The following GRAMD1B variants were observed in gnomAD, a reference collection of about 807,000 sequenced individuals.
GRAMD1B encodes GRAM domain containing 1B.
A neutral mutation model predicts 99.7 loss-of-function variants in GRAMD1B; 37 were observed. That is an observed-to-expected ratio of 0.37 (90% confidence interval 0.29 to 0.49). The LOEUF is 0.49. Ranked by LOEUF, GRAMD1B falls within the 20% of genes least tolerant of loss-of-function variation. The pLI is 0.98. For missense variants in GRAMD1B, 888 were observed against 1,009.2 expected (o/e 0.88, Z 1.63); for synonymous variants, 427 against 387.6 (o/e 1.10, Z -1.19).
intron 2 of GRAMD1B, among the ~76,000 whole-genome samples, chr11:123,520,360 G>A (rs1036779939): frequency 6.6e-6 from 1 of 152,150 alleles, no homozygotes; most frequent in Non-Finnish European, 1.5e-5. Context: ...AGACCCCTGT[G>A]CCCTACCCCC....
chr11:123,509,993 C>T (rs1343734320), intron 2 of GRAMD1B: 1 of 152,230 alleles, frequency 6.6e-6, no homozygotes, highest in East Asian at 1.9e-4. Flanking sequence ...ACCGCCCGCT[C>T]CTGGCTCCTG....
At chr11:123,482,290 G>A (rs959691614) in intron 2 of GRAMD1B, among the ~76,000 whole-genome samples, 6 of 151,930 alleles carry the variant, frequency 3.9e-5, no homozygotes, top group African/African-American at 1.2e-4. Flanking sequence ...GTAGAGACGG[G>A]GCTTCCCCAT....
intron 1 of GRAMD1B, among the ~76,000 whole-genome samples, chr11:123,370,394 G>A (rs1378786904): frequency 1.4e-5 from 2 of 142,378 alleles, no homozygotes; most frequent in Admixed American, 7.2e-5. Flanking sequence ...AGGCTGGAGT[G>A]CAGTGGTGCG....
At chr11:123,384,505 C>T (rs1387948752) in intron 1 of GRAMD1B, among the ~76,000 whole-genome samples, 1 of 152,186 alleles carries the variant, frequency 6.6e-6, no homozygotes, top group Admixed American at 6.5e-5. Flanking sequence ...CTTTCTTGCA[C>T]ACAAGTGTAG....
intron 1 of GRAMD1B, among the ~76,000 whole-genome samples, chr11:123,409,194 A>T (rs2282560): frequency 0.14 from 21,179 of 152,088 alleles, 2,124 homozygotes; most frequent in African/African-American, 0.29. Context: ...AATTATGGTA[A>T]TTTGGAAGGA....
intron 8 of GRAMD1B, among the ~76,000 whole-genome samples, chr11:123,602,365 T>G (rs1952093710): frequency 6.6e-6 from 1 of 151,896 alleles, no homozygotes; most frequent in Admixed American, 6.6e-5. Flanking sequence ...TTTTTATTTT[T>G]TATATTTTTA....
chr11:123,433,755 G>A (rs1231414567), intron 1 of GRAMD1B, among the ~76,000 whole-genome samples: 2 of 152,002 alleles, frequency 1.3e-5, no homozygotes, highest in Non-Finnish European at 2.9e-5. Context: ...TGCTGGCTAG[G>A]ATGGGGATGA....
At chr11:123,581,378 G>A (rs1949334995) in intron 3 of GRAMD1B, among the ~76,000 whole-genome samples, 1 of 152,158 alleles carries the variant, frequency 6.6e-6, no homozygotes, top group South Asian at 2.1e-4. Context: ...AGAGGATGAG[G>A]GACGCCCCTT....
chr11:123,595,744 G>T (rs1356991412), intron 6 of GRAMD1B, among the ~76,000 whole-genome samples, 198 bp from the exon 7 acceptor site: 1 of 152,188 alleles, frequency 6.6e-6, no homozygotes, highest in Non-Finnish European at 1.5e-5. Flanking sequence ...CTGTAGACAA[G>T]GCTCAGTCCC....
At chr11:123,416,792 T>C (rs1425304939) in intron 1 of GRAMD1B, among the ~76,000 whole-genome samples, 1 of 152,246 alleles carries the variant, frequency 6.6e-6, no homozygotes, top group East Asian at 1.9e-4. Flanking sequence ...ATGGACTTTT[T>C]TTTTAGCATG....
At chr11:123,502,404 C>T (rs993254514) in intron 2 of GRAMD1B, among the ~76,000 whole-genome samples, 7 of 152,348 alleles carry the variant, frequency 4.6e-5, no homozygotes, top group African/African-American at 1.7e-4. Flanking sequence ...CCTCTCCCTT[C>T]CCTGCTGACC....
chr11:123,513,900 G>A (rs1228125424), intron 2 of GRAMD1B, among the ~76,000 whole-genome samples: 3 of 151,950 alleles, frequency 2.0e-5, no homozygotes, highest in Non-Finnish European at 4.4e-5. Context: ...AAGCAATTCT[G>A]CCACCTTGGC....
intron 1 of GRAMD1B, among the ~76,000 whole-genome samples, chr11:123,418,488 G>A (rs1948311272): frequency 6.6e-6 from 1 of 152,088 alleles, no homozygotes; most frequent in African/African-American, 2.4e-5. Context: ...TCATTTAATT[G>A]CTCCCCAGGG....
At position 123,417,891 on chromosome 11, in the gene GRAMD1B, G is replaced by A. The variant is rs563503869; in HGVS notation, c.-176+59092G>A. ...TGGAGGTTGCAGTGAGCAACCTGTA[G>A]CTGTGGCTACAGGCACATGCCTCTA... On this transcript the variant is annotated intron_variant, in intron 1 of 20. Transcript: ENST00000638157. Among the ~76,000 whole-genome samples, 5 of 152,252 alleles carry A rather than the reference G, an allele frequency of 3.3e-5. No individual in the cohort carries two copies. In the South Asian group the frequency reaches 1.0e-3, roughly 32 times the overall value.
intron 2 of GRAMD1B, among the ~76,000 whole-genome samples, chr11:123,577,133 C>T (rs940427262): frequency 6.6e-6 from 1 of 152,218 alleles, no homozygotes; most frequent in East Asian, 1.9e-4. Flanking sequence ...GTCGATTGCC[C>T]GTTGGCTCGT....
intron 6 of GRAMD1B, 89 bp downstream of exon 6, chr11:123,594,927 C>T: frequency 2.6e-6 from 2 of 760,864 alleles, no homozygotes; most frequent in Admixed American, 1.8e-5. Context: ...TGACTTCATG[C>T]TCTTCCCAAG....
intron 2 of GRAMD1B, among the ~76,000 whole-genome samples, chr11:123,482,212 C>T (rs1266932483): frequency 6.6e-6 from 1 of 152,068 alleles, no homozygotes; most frequent in Non-Finnish European, 1.5e-5. Context: ...GATTCTCCCA[C>T]CTCAGCCTCC....
chr11:123,543,439 T>A (rs1358030685), intron 2 of GRAMD1B, among the ~76,000 whole-genome samples: 1 of 152,230 alleles, frequency 6.6e-6, no homozygotes, highest in Non-Finnish European at 1.5e-5. Flanking sequence ...GACATTGGTG[T>A]GGACACCTTG....
intron 3 of GRAMD1B, chr11:123,578,543 G>A (rs1948986228): frequency 3.8e-6 from 3 of 786,286 alleles, no homozygotes; most frequent in Non-Finnish European, 6.4e-6. Context: ...TATCCTGCTT[G>A]GTCCCTTTCC....
Sources: allele counts gnomAD v4.1 joint callset (sites outside exome capture counted in the v4.1 genomes callset), GRCh38; gene constraint gnomAD v4.1.1; transcripts MANE v1.5; gene names NCBI Gene and HGNC (gene_info 2026-07-23, HGNC 2026-07-21).